The following RGS3 variants were observed in gnomAD, a reference collection of about 807,000 sequenced individuals.
RGS3 encodes the protein regulator of G-protein signalling 3.
In RGS3, 80 loss-of-function variants were observed where a neutral mutation model predicts 132.6. The ratio of observed to expected loss-of-function variants is 0.60; its 90% CI spans 0.50 to 0.73. RGS3 has a LOEUF of 0.73. Ranked by LOEUF, RGS3 falls within the 30% of genes least tolerant of loss-of-function variation. The probability of loss-of-function intolerance (pLI) is 0.00; values close to 1 mark genes in which losing one functional copy is unlikely to be tolerated. For synonymous variants in RGS3, 598 were observed against 620.6 expected, an observed-to-expected ratio of 0.96 and a Z score of 0.54; for missense variants, 1,382 against 1,530.8, an observed-to-expected ratio of 0.90 and a Z score of 1.62.
At chr9:113,520,653 T>C (rs1031335628) in intron 16 of RGS3, among the ~76,000 whole-genome samples, 2 of 151,562 alleles carry the variant, frequency 1.3e-5, no homozygotes, top group African/African-American at 4.8e-5. Context: ...CAGATTTCCC[T>C]TGAGTCAGCG....
At chr9:113,582,098 G>A (rs1834849933) in intron 19 of RGS3, 1 of 985,412 alleles carries the variant, frequency 1.0e-6, no homozygotes, top group Non-Finnish European at 1.2e-6. Context: ...TGACACGTGT[G>A]TGCAGCAGCC....
chr9:113,563,218 G>T lies in RGS3; in HGVS notation c.2038-20232G>T, dbSNP rs1490369217. 3.9e-5 allele frequency among the ~76,000 whole-genome samples: 6 copies of T among 152,190 alleles called. No homozygotes were observed. In the South Asian group the frequency reaches 8.3e-4, roughly 21 times the overall value. On this transcript the variant is annotated intron_variant, in intron 19 of 24. Transcript: ENST00000350696. ...GCTGCTTTGCCCATCACAGCATAGG[G>T]CGTAATTTTGGAGTCATTAGTCTCA...
chr9:113,507,675 G>GAA lies in RGS3; in HGVS notation c.1437+37_1437+38insAA. 7.1e-7 allele frequency: 1 copy of GAA among 1,415,262 alleles called. No homozygotes were observed. The highest frequency in any genetic ancestry group is 9.3e-7 in the Non-Finnish European group (1 of 1,073,884). 87.7% of individuals were successfully genotyped at this position (1,415,262 alleles called of 1,614,324 possible). On this transcript the variant is annotated intron_variant, in intron 13 of 24. Transcript: ENST00000350696. This position sits in a 1 kb window ranked among gnomAD's most constrained non-coding sequence, Gnocchi z 5.0. ...TGGTGTGGGGAAGGTGAAGGGTACT[G>GAA]GGTCCCTGTGGGAGGCCAGGAAGAC... is the stretch of plus-strand genomic sequence containing the variant.
In RGS3 at chr9:113,565,101, G is replaced by GAGCAGC. The variant is rs1833935435; in HGVS notation, c.2038-18347_2038-18342dup. The GAGCAGC allele has an allele frequency of 8.6e-7, 1 of 1,168,316 alleles. No individual in the cohort carries two copies. The highest frequency in any genetic ancestry group is 1.6e-5 in the African/African-American group (1 of 61,776). 72.4% of individuals were successfully genotyped at this position (1,168,316 alleles called of 1,614,324 possible). A position where few individuals can be genotyped will look rare whatever the true frequency, so the allele number is the denominator to read the frequency against. ...GTGAGGGATGGACGCCTCTCCCCCG[G>GAGCAGC]AGCAGCACTTTGGGGCCAGCTTGGG... On this transcript the variant is annotated intron_variant, in intron 19 of 24. Coordinates refer to ENST00000350696, the Ensembl canonical transcript of RGS3. This position sits in a 1 kb window ranked among gnomAD's most constrained non-coding sequence, Gnocchi z 5.7.
chr9:113,476,670 T>C (rs967407053), intron 3 of RGS3, among the ~76,000 whole-genome samples: 5 of 152,254 alleles, frequency 3.3e-5, no homozygotes, highest in African/African-American at 4.8e-5. Flanking sequence ...TTTGTCAGCC[T>C]CCAGCTTCTC....
At chr9:113,576,024 C>A (rs543218575) in intron 19 of RGS3, among the ~76,000 whole-genome samples, 54 of 151,962 alleles carry the variant, frequency 3.6e-4, no homozygotes, top group Admixed American at 7.2e-4. Flanking sequence ...CATGGTGAAA[C>A]CCCGTCTCTA....
At chr9:113,533,104 T>G (rs1193874728) in intron 18 of RGS3, among the ~76,000 whole-genome samples, 2 of 152,210 alleles carry the variant, frequency 1.3e-5, no homozygotes, top group African/African-American at 2.4e-5. Flanking sequence ...GCGATGAGAC[T>G]CAGGGAGGTC....
chr9:113,445,301 G>A (rs1219972219), intron 1 of RGS3, among the ~76,000 whole-genome samples: 3 of 151,824 alleles, frequency 2.0e-5, no homozygotes, highest in Non-Finnish European at 2.9e-5. Context: ...GGGTTCAAGC[G>A]ATTCTCCTGC....
chr9:113,596,827 G>T (rs773697151), exon 25 of RGS3: 2 of 1,613,758 alleles, frequency 1.2e-6, no homozygotes, highest in South Asian at 2.2e-5. Flanking sequence ...GCGTCACGCG[G>T]GGCTGCTTCG....
chr9:113,493,195 G>C (rs1830576115), intron 7 of RGS3, among the ~76,000 whole-genome samples: 1 of 152,244 alleles, frequency 6.6e-6, no homozygotes, highest in African/African-American at 2.4e-5. Context: ...GATAGTCACT[G>C]CAACTGCCTC....
chr9:113,528,121 A>G (rs991105264), intron 17 of RGS3, among the ~76,000 whole-genome samples: 3 of 152,234 alleles, frequency 2.0e-5, no homozygotes, highest in African/African-American at 7.2e-5. Flanking sequence ...CATGGGAAGC[A>G]TAAGGAACAG....
intron 5 of RGS3, among the ~76,000 whole-genome samples, chr9:113,483,533 T>C (rs1830230992): frequency 6.6e-6 from 1 of 152,118 alleles, no homozygotes; most frequent in South Asian, 2.1e-4. Flanking sequence ...TGGGTTGGGC[T>C]TTTGCTGTAA....
At chr9:113,594,104 AGCCCCG>A in intron 21 of RGS3, 2 of 1,612,890 alleles carry the variant, frequency 1.2e-6, no homozygotes, top group Non-Finnish European at 1.7e-6. Flanking sequence ...TCTGAGTCCC[AGCCCCG>A]GCTTGTGCCT....
At chr9:113,505,393 G>A in intron 10 of RGS3, 49 bp from the exon 9 acceptor site, 2 of 1,565,794 alleles carry the variant, frequency 1.3e-6, no homozygotes, top group Non-Finnish European at 1.8e-6. Flanking sequence ...TTGGGGTAGA[G>A]GCAAGAGCCT....
chr9:113,528,849 C>T (rs1832334753), intron 17 of RGS3, among the ~76,000 whole-genome samples: 1 of 152,196 alleles, frequency 6.6e-6, no homozygotes, highest in Admixed American at 6.5e-5. Flanking sequence ...AAGGAAAATC[C>T]AGATGTGTGC....
chr9:113,535,756 C>T (rs1832652093), intron 18 of RGS3, among the ~76,000 whole-genome samples: 1 of 152,154 alleles, frequency 6.6e-6, no homozygotes, highest in South Asian at 2.1e-4. Context: ...ATGCTCTTAG[C>T]TCCCTGGCTG....
chr9:113,460,323 A>G, exon 1 of RGS3: 1 of 356,968 alleles, frequency 2.8e-6, no homozygotes, highest in Non-Finnish European at 4.9e-6. Context: ...GATCGAGACC[A>G]TCCTGGCTAA....
chr9:113,527,104 A>G (rs1832245836), intron 17 of RGS3, among the ~76,000 whole-genome samples: 1 of 152,220 alleles, frequency 6.6e-6, no homozygotes, highest in Admixed American at 6.5e-5. Context: ...TTTCAGAGAA[A>G]GTTTGCAGTA....
chr9:113,452,379 G>A (rs533037997), intron 1 of RGS3, among the ~76,000 whole-genome samples: 21 of 149,338 alleles, frequency 1.4e-4, no homozygotes, highest in Middle Eastern at 7.1e-3. Flanking sequence ...GACGTCTGAT[G>A]TCATTCTTAT....
Sources: gnomAD v4.1 joint callset for allele counts (sites outside exome capture counted in the v4.1 genomes callset) on GRCh38, gnomAD v4.1.1 for gene constraint, Gnocchi (gnomAD v3.1) non-coding constraint, MANE v1.5 for transcripts, NCBI Gene and HGNC (gene_info 2026-07-23, HGNC 2026-07-21) for gene names.